The following SYN3 variants were observed in gnomAD, a reference collection of about 807,000 sequenced individuals.
SYN3 encodes the protein synapsin III, also known as synapsin-3.
In SYN3, 35 loss-of-function variants were observed where a neutral mutation model predicts 65.8. The ratio of observed to expected loss-of-function variants is 0.53; its 90% confidence interval spans 0.41 to 0.70. The LOEUF is 0.70. Among genes scored for constraint, SYN3 ranks in the 30% least tolerant of loss-of-function variants. The pLI is 0.00. For missense variants in SYN3, 680 were observed against 749.0 expected (o/e 0.91, Z 1.08); for synonymous variants, 270 against 292.9 (o/e 0.92, Z 0.80).
chr22:32,768,310 G>A (rs2045679270), intron 6 of SYN3, among the ~76,000 whole-genome samples: 1 of 152,292 alleles, frequency 6.6e-6, no homozygotes, highest in East Asian at 1.9e-4. Flanking sequence ...CTGCTGGAAA[G>A]ACATGCTTCA....
rs147251805 is a variant in SYN3, at chr22:33,049,706, C to T, written c.-163+8586G>A. On this transcript the variant is annotated intron_variant, in intron 1 of 13. Coordinates refer to ENST00000358763, the MANE Select transcript of SYN3 (RefSeq NM_003490.4). The stretch of plus-strand genomic sequence containing the variant: ...AGAACAAAAACCACACGGCATGTGG[C>T]AACTACTCTTACAGTGGCACAGATT... Among the ~76,000 whole-genome samples, 26 of 152,310 alleles carry T rather than the reference C, an allele frequency of 1.7e-4. No individual in the cohort carries two copies. In the Middle Eastern group the frequency reaches 0.01, roughly 60 times the overall value.
At chr22:32,587,730 G>A (rs986262904) in intron 7 of SYN3, among the ~76,000 whole-genome samples, 1 of 152,186 alleles carries the variant, frequency 6.6e-6, no homozygotes, top group Non-Finnish European at 1.5e-5. Flanking sequence ...CTAAGCCAGC[G>A]TGTGCAAGAT....
chr22:32,860,908 G>C (rs1601565815), intron 6 of SYN3: 1 of 114,808 alleles, frequency 8.7e-6, no homozygotes, highest in African/African-American at 3.9e-5. Flanking sequence ...TAGGGTTTCT[G>C]TTGTGTTTTT....
chr22:32,891,852 C>A (rs1186085690), intron 4 of SYN3, among the ~76,000 whole-genome samples: 14 of 152,016 alleles, frequency 9.2e-5, no homozygotes, highest in Non-Finnish European at 1.9e-4. Flanking sequence ...ATACTAGGAA[C>A]CTTAATACCT....
intron 3 of SYN3, among the ~76,000 whole-genome samples, chr22:32,938,444 C>T (rs534123728): frequency 9.3e-5 from 14 of 150,876 alleles, no homozygotes; most frequent in South Asian, 4.2e-4. Context: ...ACAGGAGAAT[C>T]GCATGAACCC....
intron 6 of SYN3, among the ~76,000 whole-genome samples, chr22:32,686,724 T>C (rs1601913355): frequency 6.7e-6 from 1 of 149,912 alleles, no homozygotes; most frequent in Admixed American, 6.8e-5. Flanking sequence ...GTCTCCAAAG[T>C]AGCTGGGATT....
intron 6 of SYN3, among the ~76,000 whole-genome samples, chr22:32,719,897 AAT>A (rs1363344298): frequency 6.6e-6 from 1 of 152,192 alleles, no homozygotes; most frequent in Admixed American, 6.5e-5. Context: ...GAATGAGGGA[AAT>A]AGTCTTTCTA....
intron 3 of SYN3, among the ~76,000 whole-genome samples, chr22:32,979,227 A>C (rs1233636266): frequency 6.6e-6 from 1 of 151,716 alleles, no homozygotes; most frequent in East Asian, 1.9e-4. Flanking sequence ...AGAAAAGAAA[A>C]GACTTAGCTC....
intron 6 of SYN3, among the ~76,000 whole-genome samples, chr22:32,683,936 G>A (rs1481408265): frequency 6.6e-6 from 1 of 152,138 alleles, no homozygotes; most frequent in East Asian, 1.9e-4. Context: ...TGCTACTGGG[G>A]CCCTCACTGA....
chr22:32,517,977 A>C, intron 13 of SYN3, 66 bp downstream of exon 13: 1 of 1,391,008 alleles, frequency 7.2e-7, no homozygotes, highest in Non-Finnish European at 9.4e-7. Context: ...CCTAACCCTG[A>C]ATCAGCCAAG....
At chr22:32,609,159 C>A (rs2059408665) in intron 6 of SYN3, among the ~76,000 whole-genome samples, 1 of 151,802 alleles carries the variant, frequency 6.6e-6, no homozygotes, top group South Asian at 2.1e-4. Context: ...CCCGTCTCTA[C>A]TAAAAATACA....
intron 1 of SYN3, among the ~76,000 whole-genome samples, chr22:33,056,594 C>T (rs1289790419): frequency 6.6e-6 from 1 of 152,256 alleles, no homozygotes; most frequent in African/African-American, 2.4e-5. Flanking sequence ...TCTTGCACTG[C>T]ACCATAGATC....
intron 6 of SYN3, among the ~76,000 whole-genome samples, chr22:32,835,291 T>A: frequency 6.6e-6 from 1 of 152,194 alleles, no homozygotes; most frequent in East Asian, 1.9e-4. Flanking sequence ...CTGTGAGATG[T>A]TGCGGTTAGA....
intron 7 of SYN3, among the ~76,000 whole-genome samples, chr22:32,556,800 CCT>C (rs2058504911): frequency 8.3e-5 from 1 of 12,006 alleles, no homozygotes; most frequent in African/African-American, 2.4e-4. Context: ...CTATAGGTTT[CCT>C]GGTTTTTTTT....
At chr22:32,675,702 A>C (rs896870607) in intron 6 of SYN3, among the ~76,000 whole-genome samples, 2 of 151,404 alleles carry the variant, frequency 1.3e-5, no homozygotes, top group Admixed American at 1.3e-4. Flanking sequence ...ATTAAGCTAA[A>C]AGCCAGCTAA....
chr22:32,568,784 C>T (rs1367397845), intron 7 of SYN3, among the ~76,000 whole-genome samples: 5 of 152,178 alleles, frequency 3.3e-5, no homozygotes, highest in Non-Finnish European at 7.3e-5. Context: ...ACCTAGCTAG[C>T]TAGGTTGGTA....
intron 1 of SYN3, among the ~76,000 whole-genome samples, chr22:33,028,744 A>G (rs2053692776): frequency 6.7e-6 from 1 of 148,976 alleles, no homozygotes; most frequent in Non-Finnish European, 1.5e-5. Context: ...AGCCTCTTTT[A>G]AGAATCAGGC....
intron 3 of SYN3, among the ~76,000 whole-genome samples, chr22:32,957,415 TCTC>T (rs1212394209): frequency 6.6e-6 from 1 of 152,160 alleles, no homozygotes; most frequent in African/African-American, 2.4e-5. Flanking sequence ...GCTTAGCACT[TCTC>T]CTGTGAGTTT....
intron 3 of SYN3, among the ~76,000 whole-genome samples, chr22:32,968,074 C>T (rs1222627950): frequency 6.6e-6 from 1 of 152,170 alleles, no homozygotes; most frequent in African/African-American, 2.4e-5. Flanking sequence ...AGGTGGTGAA[C>T]AAGAGGAGGT....
Sources: allele counts gnomAD v4.1 joint callset (sites outside exome capture counted in the v4.1 genomes callset), GRCh38; gene constraint gnomAD v4.1.1; transcripts MANE v1.5; gene names NCBI Gene and HGNC (gene_info 2026-07-23, HGNC 2026-07-21).